Variants in CSNK1G1 observed in about 807,000 individuals in gnomAD.
The protein encoded by CSNK1G1 is casein kinase I isoform gamma-1.
A neutral mutation model predicts 59.6 loss-of-function variants in CSNK1G1; 22 were observed. The observed-to-expected ratio is 0.37, with a 90% CI of 0.26 to 0.53. The LOEUF (loss-of-function observed/expected upper bound fraction) is 0.53, where lower values mean the gene tolerates loss of function less well. CSNK1G1 is among the 20% of genes least tolerant of loss of function. The pLI is 0.89. For synonymous variants in CSNK1G1, 179 were observed against 177.1 expected (o/e 1.01, Z -0.08); for missense variants, 384 against 519.5 (o/e 0.74, Z 2.54).
At position 64,344,148 on chromosome 15, in the gene CSNK1G1, C is replaced by T. The variant is rs114904435; in HGVS notation, c.-225+11840G>A. ...ACAGTTGCTTCCTTAGAGCAAATGG[C>T]CTTTTCTAAATCCATTAAAGACTGT... On this transcript the variant is annotated intron_variant, in intron 1 of 11. Transcript: ENST00000303052. Among the ~76,000 whole-genome samples, 1,279 of 152,154 alleles carry T rather than the reference C, an allele frequency of 8.4e-3. 19 individuals are homozygous for T. The highest frequency in any genetic ancestry group is 0.029 in the African/African-American group (1,201 of 41,518).
At chr15:64,354,457 G>A (rs115216422) in intron 1 of CSNK1G1, among the ~76,000 whole-genome samples, 3 of 152,144 alleles carry the variant, frequency 2.0e-5, no homozygotes, top group African/African-American at 4.8e-5. Flanking sequence ...ATATGGTGTA[G>A]CTGAGAAAAA....
At chr15:64,306,622 T>C (rs1376428393) in intron 1 of CSNK1G1, among the ~76,000 whole-genome samples, 1 of 152,152 alleles carries the variant, frequency 6.6e-6, no homozygotes, top group Non-Finnish European at 1.5e-5. Context: ...ACCCAGCACA[T>C]TTCTTGGTAT....
At position 64,166,020 on chromosome 15, in the gene CSNK1G1, A is replaced by C. The variant is rs778827677; in HGVS notation, c.*5911T>G. The stretch of plus-strand genomic sequence containing the variant: ...TGACATTCATGTTTAAAAATACTAC[A>C]AATTTCATTTTCACAGCTGAGCTTT... On this transcript the variant is annotated 3_prime_UTR_variant, in exon 12 of 12. Transcript: ENST00000303052. This position sits in a 1 kb window ranked among gnomAD's most constrained non-coding sequence, Gnocchi z 4.5. The C allele has an allele frequency of 1.2e-4, 83 of 683,898 alleles. No homozygotes were observed. Among genetic ancestry groups the C allele is most frequent in the Non-Finnish European group, 2.1e-4 (79 of 377,550 alleles). The allele number at this position is 683,898 out of a possible 1,614,324, so 42.4% of individuals were successfully genotyped here.
At chr15:64,237,108 T>A (rs905563276) in intron 4 of CSNK1G1, among the ~76,000 whole-genome samples, 1 of 152,048 alleles carries the variant, frequency 6.6e-6, no homozygotes, top group African/African-American at 2.4e-5. Flanking sequence ...TTATAGAGAA[T>A]AGAAATTTGG....
In CSNK1G1 at chr15:64,176,519, G is replaced by C. The variant is rs1268094699; in HGVS notation, c.1214+3829C>G. On this transcript the variant is annotated intron_variant, in intron 11 of 11. Transcript: ENST00000303052. This position sits in a 1 kb window ranked among gnomAD's most constrained non-coding sequence, Gnocchi z 5.2. ...TGACAGAAGCATCAAGGTGGGAGCT[G>C]GATCTCAGGGGTAAGGCAAAACAGA... Among the ~76,000 whole-genome samples, 1 of 152,196 alleles carries C rather than the reference G, an allele frequency of 6.6e-6. No individual in the cohort carries two copies. Among genetic ancestry groups the C allele is most frequent in the Non-Finnish European group, 1.5e-5 (1 of 68,038 alleles).
chr15:64,326,688 G>T (rs1896855582), intron 1 of CSNK1G1, among the ~76,000 whole-genome samples: 1 of 151,860 alleles, frequency 6.6e-6, no homozygotes, highest in Non-Finnish European at 1.5e-5. Context: ...GGCCGAATAG[G>T]AACAGCTCCG....
chr15:64,293,154 T>G (rs966038171), intron 2 of CSNK1G1, among the ~76,000 whole-genome samples: 1 of 150,240 alleles, frequency 6.7e-6, no homozygotes, highest in Non-Finnish European at 1.5e-5. Flanking sequence ...TTAGTATCAA[T>G]CTATAAAATC....
At chr15:64,211,809 A>G (rs1264405535) in intron 6 of CSNK1G1, among the ~76,000 whole-genome samples, 1 of 152,208 alleles carries the variant, frequency 6.6e-6, no homozygotes, top group Non-Finnish European at 1.5e-5. Context: ...ACTACTCTGT[A>G]TCTTATACAA....
intron 4 of CSNK1G1, among the ~76,000 whole-genome samples, chr15:64,236,142 C>CAAAAAAAAAAA (rs532663571): frequency 1.3e-4 from 9 of 67,896 alleles, no homozygotes; most frequent in South Asian, 5.3e-4. Context: ...GACTCCATCT[C>CAAAAAAAAAAA]AAAAAAAAAA....
intron 10 of CSNK1G1, among the ~76,000 whole-genome samples, chr15:64,190,218 C>T (rs1444662324): frequency 6.6e-6 from 1 of 152,110 alleles, no homozygotes; most frequent in Non-Finnish European, 1.5e-5. Context: ...AGAGAATAAA[C>T]ATATTCTATG....
At chr15:64,305,002 C>T (rs572302540) in intron 1 of CSNK1G1, among the ~76,000 whole-genome samples, 78 of 152,316 alleles carry the variant, frequency 5.1e-4, no homozygotes, top group African/African-American at 1.8e-3. Context: ...CACTTCCCAT[C>T]CTACTGTCCA....
chr15:64,338,700 CAAAAAAAAAAAAAAAAA>C (rs34206192), intron 1 of CSNK1G1, among the ~76,000 whole-genome samples: 1,925 of 31,600 alleles, frequency 0.061, 47 homozygotes, highest in Middle Eastern at 0.21. Context: ...AACTCGGTCT[CAAAAAAAAAAAAAAAAA>C]AAAAAAAAAA....
Position 64,246,637 on chromosome 15 carries a change from AAAG to A in CSNK1G1, c.292+4872_292+4874del, listed in dbSNP as rs1434121807. Among the ~76,000 whole-genome samples, 618 of 103,716 alleles carry A rather than the reference AAAG, an allele frequency of 6.0e-3. 10 individuals carry two copies. The highest frequency in any genetic ancestry group is 0.026 in the African/African-American group (555 of 21,230). 68.0% of individuals were successfully genotyped at this position (103,716 alleles called of 152,430 possible). A position where few individuals can be genotyped will look rare whatever the true frequency, so the allele number is the denominator to read the frequency against. Reference sequence around the variant, plus strand: ...GAGTCCGTCTCTTTAAAAAAAAAAAAAAGGGGGGGGGGGAGGAATCTTGTCATT... The same window carrying A: ...GAGTCCGTCTCTTTAAAAAAAAAAAAGGGGGGGGGGAGGAATCTTGTCATT... On this transcript the variant is annotated intron_variant, in intron 4 of 11. Transcript: ENST00000303052.
At chr15:64,193,110 G>T (rs1288751190) in intron 10 of CSNK1G1, among the ~76,000 whole-genome samples, 3 of 151,988 alleles carry the variant, frequency 2.0e-5, no homozygotes, top group African/African-American at 4.8e-5. Context: ...GAATATACTG[G>T]ATTACATTCT....
chr15:64,316,567 A>T (rs1896279051), intron 1 of CSNK1G1, among the ~76,000 whole-genome samples: 3 of 150,376 alleles, frequency 2.0e-5, no homozygotes, highest in Non-Finnish European at 4.4e-5. Context: ...GAAAAGAAAA[A>T]AAGTTAATAC....
rs367976210 is a variant in CSNK1G1 at position 64,331,989 on chromosome 15, A to C, written c.-225+23999T>G. Among the ~76,000 whole-genome samples the C allele has an allele frequency of 0.014, 2,205 of 152,072 alleles. 217 individuals are homozygous for C. The South Asian group carries it at 0.29, about 20-fold the overall frequency. On this transcript the variant is annotated intron_variant, in intron 1 of 11. Coordinates refer to ENST00000303052, the MANE Select transcript of CSNK1G1 (RefSeq NM_022048.5). ...CCACAATGAGATACCATCTCACACC[A>C]GTTAGAATGAATATCATTAAAAAGT...
At chr15:64,220,222 G>A (rs968899299) in intron 4 of CSNK1G1, among the ~76,000 whole-genome samples, 2 of 151,830 alleles carry the variant, frequency 1.3e-5, no homozygotes, top group Admixed American at 1.3e-4. Context: ...AGCCTCCTGA[G>A]TAGCTGAGAT....
chr15:64,238,518 A>AAAAAAATATATATATATATAT (rs1555396879), intron 4 of CSNK1G1, among the ~76,000 whole-genome samples: 1 of 49,246 alleles, frequency 2.0e-5, no homozygotes, highest in African/African-American at 1.2e-4. Context: ...AAAAAAAAAA[A>AAAAAAATATATATATATATAT]ATATATATAT....
chr15:64,251,502 C>T lies in CSNK1G1; in HGVS notation c.292+10G>A, dbSNP rs780496904. 2.7e-5 allele frequency: 43 copies of T among 1,597,330 alleles called. No homozygotes were observed. In the Middle Eastern group the frequency reaches 5.0e-4, roughly 18 times the overall value. On this transcript the variant is annotated intron_variant, in intron 4 of 11. Coordinates refer to ENST00000303052, the MANE Select transcript of CSNK1G1 (RefSeq NM_022048.5). The stretch of plus-strand genomic sequence containing the variant: ...ATACTAAGTAAGTGGAGAGAAAAGA[C>T]TTGACTTACCTGCACTGCCAAGCTG...
Sources: allele counts gnomAD v4.1 joint callset (sites outside exome capture counted in the v4.1 genomes callset), GRCh38; gene constraint gnomAD v4.1.1; non-coding constraint Gnocchi (gnomAD v3.1); transcripts MANE v1.5; gene names NCBI Gene and HGNC (gene_info 2026-07-23, HGNC 2026-07-21).